The following WIPF1 variants were observed in gnomAD, a reference collection of about 807,000 sequenced individuals.
The protein encoded by WIPF1 is WAS/WASL-interacting protein family member 1.
Under a neutral mutation model 35.4 loss-of-function variants are expected in WIPF1, and 13 were observed. That is an observed-to-expected ratio of 0.37 (90% CI 0.24 to 0.58). WIPF1 has a LOEUF of 0.58. Ranked by LOEUF, WIPF1 falls within the 20% of genes least tolerant of loss-of-function variation. WIPF1 has a pLI of 0.74. For missense variants in WIPF1, 591 were observed against 667.0 expected, an observed-to-expected ratio of 0.89 and a Z score of 1.25; for synonymous variants, 267 against 266.3, an observed-to-expected ratio of 1.00 and a Z score of -0.02.
At chr2:174,682,726 C>G (rs1450966979) in intron 1 of WIPF1, 1 of 151,740 alleles carries the variant, frequency 6.6e-6, no homozygotes, top group Non-Finnish European at 1.5e-5. Flanking sequence ...TCCCCCGGCC[C>G]CCGGGAGCCC....
intron 1 of WIPF1, among the ~76,000 whole-genome samples, chr2:174,608,651 C>T (rs561827005): frequency 6.6e-6 from 1 of 152,256 alleles, no homozygotes; most frequent in East Asian, 1.9e-4. Context: ...AAGGGAGAAA[C>T]TGGTGGAAAG....
At chr2:174,645,129 T>A (rs1372615173) in intron 1 of WIPF1, among the ~76,000 whole-genome samples, 2 of 152,196 alleles carry the variant, frequency 1.3e-5, no homozygotes, top group East Asian at 3.8e-4. Flanking sequence ...GAAAGTGTGG[T>A]AAAATACCTT....
chr2:174,607,220 G>A (rs1011789869), intron 1 of WIPF1, among the ~76,000 whole-genome samples: 1 of 151,996 alleles, frequency 6.6e-6, no homozygotes, highest in Non-Finnish European at 1.5e-5. Context: ...TGGCTAACAC[G>A]GTGAAACCCC....
At chr2:174,655,890 G>A (rs1327283246) in intron 1 of WIPF1, 1 of 152,280 alleles carries the variant, frequency 6.6e-6, no homozygotes, top group African/African-American at 2.4e-5. Flanking sequence ...GTTGACTGAA[G>A]AATGACTATG....
At chr2:174,634,922 G>A (rs952770574) in intron 1 of WIPF1, among the ~76,000 whole-genome samples, 1 of 152,182 alleles carries the variant, frequency 6.6e-6, no homozygotes, top group African/African-American at 2.4e-5. Context: ...GCTCACAGAG[G>A]AGCCTGGGGC....
intron 1 of WIPF1, among the ~76,000 whole-genome samples, chr2:174,642,437 C>T (rs1358428681): frequency 6.7e-6 from 1 of 148,276 alleles, no homozygotes; most frequent in Non-Finnish European, 1.5e-5. Context: ...AGCTCCGCCT[C>T]CCAGGTTCAT....
At chr2:174,625,972 C>T (rs892281753) in intron 1 of WIPF1, 2 of 152,082 alleles carry the variant, frequency 1.3e-5, no homozygotes, top group African/African-American at 4.8e-5. Flanking sequence ...TACAGGAAGA[C>T]GGCATAGTTT....
chr2:174,570,378 GGATT>G (rs1316900332), intron 5 of WIPF1: 1 of 152,092 alleles, frequency 6.6e-6, no homozygotes, highest in Admixed American at 6.5e-5. Flanking sequence ...GGTGGTAGAA[GGATT>G]AATTTTAATT....
chr2:174,645,657 T>C (rs1241498879), intron 1 of WIPF1, among the ~76,000 whole-genome samples: 4 of 152,358 alleles, frequency 2.6e-5, no homozygotes, highest in African/African-American at 9.6e-5. Context: ...TGGTAGACTA[T>C]ACACTGGTAC....
Position 174,622,154 on chromosome 2 carries a change from G to A in WIPF1, c.-38-36543C>T, listed in dbSNP as rs1686696076. 6.6e-6 allele frequency among the ~76,000 whole-genome samples: 1 copy of A among 152,144 alleles called. No homozygotes were observed. Among genetic ancestry groups the A allele is most frequent in the African/African-American group, 2.4e-5 (1 of 41,404 alleles). ...GCAACCTGACTGAATTTAGAGCCAT[G>A]AATTTGTTATCTCTTAATGTGGATA... On this transcript the variant is annotated intron_variant, in intron 1 of 8. Transcript: ENST00000272746. This position sits in a 1 kb window ranked among gnomAD's most constrained non-coding sequence, Gnocchi z 5.1.
rs561259277 is a variant in WIPF1, at chr2:174,647,212, A to T, written c.-39+35562T>A. The stretch of plus-strand genomic sequence containing the variant: ...CAGAGCGACATCCTGTCTCCAAAAC[A>T]TTTTTTTTTTTTTTAATTAGCCATG... On this transcript the variant is annotated intron_variant, in intron 1 of 8. Transcript: ENST00000272746. Among the ~76,000 whole-genome samples the T allele has an allele frequency of 1.3e-4, 18 of 143,194 alleles. 3 individuals are homozygous for T. The highest frequency in any genetic ancestry group is 4.3e-4 in the African/African-American group (17 of 39,116). The allele number at this position is 143,194 out of a possible 152,430, so 93.9% of individuals were successfully genotyped here. A position where few individuals can be genotyped will look rare whatever the true frequency, so the allele number is the denominator to read the frequency against.
At chr2:174,631,409 A>G (rs566738555) in intron 1 of WIPF1, among the ~76,000 whole-genome samples, 1 of 152,330 alleles carries the variant, frequency 6.6e-6, no homozygotes, top group African/African-American at 2.4e-5. Context: ...GGTACCTAGA[A>G]AAGTCAAATT....
At chr2:174,664,674 C>T (rs1687852718) in intron 1 of WIPF1, among the ~76,000 whole-genome samples, 1 of 152,228 alleles carries the variant, frequency 6.6e-6, no homozygotes, top group African/African-American at 2.4e-5. Flanking sequence ...TGTCCCAGGG[C>T]CCACTTACAA....
chr2:174,575,369 C>G lies in WIPF1; in HGVS notation c.193G>C (p.Ala65Pro), dbSNP rs898729522. 3.1e-6 allele frequency: 5 copies of G among 1,610,694 alleles called. No individual in the cohort carries two copies. Among genetic ancestry groups the G allele is most frequent in the African/African-American group, 1.3e-5 (1 of 74,890 alleles). The stretch of plus-strand genomic sequence containing the variant: ...CCACCACCACCGCCTCCAGCACCAG[C>G]TCCTTTAGGTTCTGTAGAAGAAGAG... ...SAPILDKPKG[A>P]GAGGGGGGFG... The change falls in exon 4 of 8, where the codon GCT (alanine) becomes CCT (proline). Residue 65 changes from alanine (A) to proline (P), a missense_variant. Around this residue, in one of 3 missense-constraint regions of WIPF1, gnomAD observed 471 missense variants for 501.1 expected, o/e 0.94. Transcript: ENST00000679041.
intron 1 of WIPF1, among the ~76,000 whole-genome samples, chr2:174,638,605 CT>C (rs879535543): frequency 0.024 from 3,464 of 147,134 alleles, 120 homozygotes; most frequent in African/African-American, 0.078. Flanking sequence ...TGATATCAAC[CT>C]TTTTTTTTTT....
At chr2:174,578,270 CT>C (rs1236221873) in intron 3 of WIPF1, among the ~76,000 whole-genome samples, 2 of 152,124 alleles carry the variant, frequency 1.3e-5, no homozygotes, top group African/African-American at 4.8e-5. Context: ...GTACAGCTTT[CT>C]TTTTTTATGT....
intron 5 of WIPF1, 113 bp from the exon 6 acceptor site, chr2:174,568,186 G>C (rs1574786516): frequency 7.2e-5 from 91 of 1,260,822 alleles, no homozygotes; most frequent in Non-Finnish European, 9.7e-5. Context: ...TTTAATTAGG[G>C]TGATTTTCTA....
At chr2:174,568,148 C>A in intron 5 of WIPF1, 75 bp from the exon 6 acceptor site, 1 of 1,469,918 alleles carries the variant, frequency 6.8e-7, no homozygotes. Flanking sequence ...TGGTGTACAG[C>A]TGATGAGGAC....
At chr2:174,648,671 T>C (rs994769522) in intron 1 of WIPF1, among the ~76,000 whole-genome samples, 2 of 152,196 alleles carry the variant, frequency 1.3e-5, no homozygotes, top group African/African-American at 4.8e-5. Context: ...CTAGGTTTTA[T>C]AGGCATGAAT....
Sources: allele counts gnomAD v4.1 joint callset (sites outside exome capture counted in the v4.1 genomes callset), GRCh38; gene constraint gnomAD v4.1.1; regional missense constraint gnomAD v4.1.1; non-coding constraint Gnocchi (gnomAD v3.1); transcripts MANE v1.5; gene names NCBI Gene and HGNC (gene_info 2026-07-23, HGNC 2026-07-21).